PGPEP1: variants seen among roughly 807,000 people sequenced by gnomAD.
PGPEP1 encodes the protein pyroglutamyl-peptidase I, also known as pyroglutamyl-peptidase 1.
PGPEP1 carries 15 observed loss-of-function variants against 24.1 expected under a neutral mutation model. The ratio of observed to expected loss-of-function variants is 0.62; its 90% CI spans 0.42 to 0.96. PGPEP1 has a LOEUF of 0.96. PGPEP1 is among the 40% of genes least tolerant of loss of function. PGPEP1 has a pLI of 0.00. For synonymous variants in PGPEP1, 122 were observed against 116.4 expected, an observed-to-expected ratio of 1.05 and a Z score of -0.31; for missense variants, 242 against 273.4, an observed-to-expected ratio of 0.89 and a Z score of 0.81.
At chr19:18,358,813 A>C (rs951231887) in intron 4 of PGPEP1, among the ~76,000 whole-genome samples, 1 of 136,528 alleles carries the variant, frequency 7.3e-6, no homozygotes, top group African/African-American at 2.7e-5. Flanking sequence ...ATGGGGTTTC[A>C]CCATGTTGGT....
At chr19:18,360,250 T>C (rs1324228599) in intron 4 of PGPEP1, among the ~76,000 whole-genome samples, 2 of 151,426 alleles carry the variant, frequency 1.3e-5, no homozygotes, top group African/African-American at 4.9e-5. Flanking sequence ...GTGATCCTTG[T>C]GCCTCGGCCT....
rs1971432526 is a variant in PGPEP1, at chr19:18,364,068, A to ATGGT, written c.*488_*489insTTGG. The ATGGT allele has an allele frequency of 1.1e-5, 1 of 94,458 alleles. No individual in the cohort carries two copies. 5.9% of individuals were successfully genotyped at this position (94,458 alleles called of 1,614,324 possible). A position where few individuals can be genotyped will look rare whatever the true frequency, so the allele number is the denominator to read the frequency against. On this transcript the variant is annotated 3_prime_UTR_variant, in exon 5 of 5. Coordinates refer to ENST00000269919, the MANE Select transcript of PGPEP1 (RefSeq NM_017712.4). ...GCCCTTTCTGGGGCCACCCTGGGAT[A>ATGGT]TGGCTGGCTGGCTGGCTTTCTTTCT...
intron 2 of PGPEP1, among the ~76,000 whole-genome samples, chr19:18,345,725 CAAAA>C (rs1263995077): frequency 1.0e-4 from 9 of 89,766 alleles, no homozygotes; most frequent in African/African-American, 2.1e-4. Flanking sequence ...GACCCTATCT[CAAAA>C]AAAAAAAAAA....
intron 2 of PGPEP1, among the ~76,000 whole-genome samples, chr19:18,351,892 AG>A (rs989599300): frequency 4.0e-5 from 6 of 151,856 alleles, no homozygotes; most frequent in South Asian, 2.1e-4. Flanking sequence ...TGAGAGGCCA[AG>A]GGGGGGCTGA....
intron 2 of PGPEP1, among the ~76,000 whole-genome samples, chr19:18,354,124 A>C (rs1971114178): frequency 6.6e-6 from 1 of 152,178 alleles, no homozygotes; most frequent in African/African-American, 2.4e-5. Flanking sequence ...AATCCCAGCT[A>C]CTGGGGAGGC....
intron 2 of PGPEP1, among the ~76,000 whole-genome samples, chr19:18,349,613 A>G (rs942424778): frequency 2.6e-5 from 4 of 152,076 alleles, no homozygotes; most frequent in African/African-American, 9.7e-5. Context: ...ATTGTTTTTG[A>G]TTTTGTAAAA....
At chr19:18,354,741 C>T (rs1971129546) in intron 2 of PGPEP1, among the ~76,000 whole-genome samples, 1 of 152,006 alleles carries the variant, frequency 6.6e-6, no homozygotes, top group Admixed American at 6.6e-5. Flanking sequence ...TGGTCTCAAA[C>T]TCCTGGGTTC....
At chr19:18,344,173 G>T (rs1970765015) in intron 2 of PGPEP1, among the ~76,000 whole-genome samples, 1 of 151,950 alleles carries the variant, frequency 6.6e-6, no homozygotes, top group South Asian at 2.1e-4. Context: ...GTAGGAAGGG[G>T]TACAGTGAGC....
chr19:18,344,562 T>C (rs1970777998), intron 2 of PGPEP1, among the ~76,000 whole-genome samples: 1 of 143,960 alleles, frequency 6.9e-6, no homozygotes, highest in Non-Finnish European at 1.5e-5. Flanking sequence ...CATCCCCAAC[T>C]TCAGACCTCA....
At chr19:18,355,132 C>T (rs1005428357) in intron 2 of PGPEP1, among the ~76,000 whole-genome samples, 5 of 151,884 alleles carry the variant, frequency 3.3e-5, no homozygotes, top group African/African-American at 1.2e-4. Context: ...CCACGCCCAG[C>T]CAATTTTTTT....
chr19:18,342,924 C>T lies in PGPEP1; in HGVS notation c.87+13C>T, dbSNP rs202246606. 1,439 of 1,607,570 alleles carry T rather than the reference C, an allele frequency of 9.0e-4. 3 individuals are homozygous for T. Among genetic ancestry groups the T allele is most frequent in the Middle Eastern group, 5.1e-3 (31 of 6,044 alleles). On this transcript the variant is annotated intron_variant, in intron 2 of 4. Coordinates refer to ENST00000269919, the MANE Select transcript of PGPEP1 (RefSeq NM_017712.4). ...GATTGCAGTTCAGGTAACTTAGATC[C>T]GGAGGGTGGGAGTCAGGCTTGGAGC...
chr19:18,345,328 T>C (rs1431743007), intron 2 of PGPEP1, among the ~76,000 whole-genome samples: 4 of 152,104 alleles, frequency 2.6e-5, no homozygotes, highest in Non-Finnish European at 5.9e-5. Flanking sequence ...TCCCAAAGTT[T>C]AGGACACAAG....
At chr19:18,340,876 TGGA>T (rs1278036459) in intron 1 of PGPEP1, among the ~76,000 whole-genome samples, 161 bp downstream of exon 1, 2 of 151,906 alleles carry the variant, frequency 1.3e-5, no homozygotes, top group Non-Finnish European at 1.5e-5. Context: ...TCCTGGAAAG[TGGA>T]GGAGGAGGAG....
At chr19:18,343,810 G>A (rs534768316) in intron 2 of PGPEP1, among the ~76,000 whole-genome samples, 2 of 151,368 alleles carry the variant, frequency 1.3e-5, no homozygotes, top group South Asian at 2.1e-4. Flanking sequence ...AGCCTCCAGA[G>A]TAGCTGGGAT....
chr19:18,358,603 T>C (rs1971258196), intron 4 of PGPEP1, among the ~76,000 whole-genome samples: 1 of 150,334 alleles, frequency 6.7e-6, no homozygotes, highest in Admixed American at 6.7e-5. Context: ...AAGATCCTCT[T>C]TCCAAATAAG....
Position 18,340,609 on chromosome 19 carries a change from G to T in PGPEP1, c.-73G>T. 2.1e-6 allele frequency: 3 copies of T among 1,416,120 alleles called. No homozygotes were observed. The highest frequency in any genetic ancestry group is 1.3e-5 in the South Asian group (1 of 76,118). The allele number at this position is 1,416,120 out of a possible 1,614,324, so 87.7% of individuals were successfully genotyped here. Reference sequence around the variant, plus strand: ...GACAGGGGCGTGGCCTCGCGCGGCCGAGAGGCTGCAGCGGCAGCAGCTGTC... The same window carrying T: ...GACAGGGGCGTGGCCTCGCGCGGCCTAGAGGCTGCAGCGGCAGCAGCTGTC... On this transcript the variant is annotated 5_prime_UTR_variant, in exon 1 of 5. Coordinates refer to ENST00000269919, the MANE Select transcript of PGPEP1 (RefSeq NM_017712.4).
chr19:18,343,773 T>G (rs1429185843), intron 2 of PGPEP1, among the ~76,000 whole-genome samples: 1 of 149,792 alleles, frequency 6.7e-6, no homozygotes, highest in Non-Finnish European at 1.5e-5. Flanking sequence ...AACCTTGCCT[T>G]CTGGGTTCAA....
chr19:18,358,024 C>A, intron 4 of PGPEP1: 1 of 233,170 alleles, frequency 4.3e-6, no homozygotes. Flanking sequence ...GTCAGAAGTC[C>A]AAGGTCAAGG....
Position 18,356,028 on chromosome 19 carries a change from G to T in PGPEP1, c.204+17G>T. 1.3e-6 allele frequency: 2 copies of T among 1,500,854 alleles called. No homozygotes were observed. The highest frequency in any genetic ancestry group is 1.1e-5 in the South Asian group (1 of 88,746). The allele number at this position is 1,500,854 out of a possible 1,614,324, so 93.0% of individuals were successfully genotyped here. A position where few individuals can be genotyped will look rare whatever the true frequency, so the allele number is the denominator to read the frequency against. Reference sequence around the variant, plus strand: ...AGTCCACAGGTGAGTGGTGCCAAGGGGCGGCACTTCCTCATCAGGACTTAC... The same window carrying T: ...AGTCCACAGGTGAGTGGTGCCAAGGTGCGGCACTTCCTCATCAGGACTTAC... On this transcript the variant is annotated intron_variant, in intron 3 of 4. Coordinates refer to ENST00000269919, the MANE Select transcript of PGPEP1 (RefSeq NM_017712.4).
Sources: gnomAD v4.1 joint callset for allele counts (sites outside exome capture counted in the v4.1 genomes callset) on GRCh38, gnomAD v4.1.1 for gene constraint, MANE v1.5 for transcripts, NCBI Gene and HGNC (gene_info 2026-07-23, HGNC 2026-07-21) for gene names.